Variants in SLC71A2 observed in about 807,000 individuals in gnomAD.
The protein encoded by SLC71A2 is hippocampus abundant transcript-like 1.
At chr9:94,434,845 G>A in the SLC71A2 span, among the ~76,000 whole-genome samples, 1 of 152,140 alleles carries the variant, frequency 6.6e-6, no homozygotes, top group African/African-American at 2.4e-5. Flanking sequence ...TTTGCCCATT[G>A]TTTCACAGCT....
At chr9:94,386,458 A>G in the SLC71A2 span, among the ~76,000 whole-genome samples, 2 of 150,956 alleles carry the variant, frequency 1.3e-5, no homozygotes, top group Non-Finnish European at 3.0e-5. Context: ...GCTCAGAGTG[A>G]CATCTGGCCA....
the SLC71A2 span, among the ~76,000 whole-genome samples, chr9:94,377,532 G>GTT: frequency 2.1e-5 from 1 of 46,794 alleles, no homozygotes; most frequent in African/African-American, 9.0e-5. Context: ...ACCATGCCTG[G>GTT]CTTTTTTTTT....
chr9:94,445,087 T>G, the SLC71A2 span: 4 of 1,614,066 alleles, frequency 2.5e-6, no homozygotes, highest in African/African-American at 2.7e-5. Flanking sequence ...GGACATCTGC[T>G]TCATCTTAGT....
the SLC71A2 span, among the ~76,000 whole-genome samples, chr9:94,454,298 TTGAATG>T: frequency 6.6e-6 from 1 of 152,214 alleles, no homozygotes; most frequent in African/African-American, 2.4e-5. Flanking sequence ...TGTTCCTTAA[TTGAATG>T]TATCTCTCTC....
the SLC71A2 span, among the ~76,000 whole-genome samples, chr9:94,389,998 A>G: frequency 6.6e-6 from 1 of 152,136 alleles, no homozygotes; most frequent in Non-Finnish European, 1.5e-5. Flanking sequence ...GTGGATCACG[A>G]GGTCAAGAGA....
chr9:94,459,472 C>A, the SLC71A2 span: 3 of 1,584,546 alleles, frequency 1.9e-6, no homozygotes, highest in South Asian at 1.1e-5. Context: ...GGGAGCCACA[C>A]CCCTGGTGAC....
At chr9:94,454,259 A>G in the SLC71A2 span, among the ~76,000 whole-genome samples, 77,232 of 152,050 alleles carry the variant, frequency 0.51, 19,817 homozygotes, top group Admixed American at 0.6. Context: ...TATAAAGACT[A>G]CCTTTATGTC....
the SLC71A2 span, among the ~76,000 whole-genome samples, chr9:94,409,454 G>A: frequency 2.0e-5 from 3 of 151,722 alleles, no homozygotes; most frequent in African/African-American, 7.3e-5. Flanking sequence ...GCCTGATTTT[G>A]TCGATTTTTC....
At chr9:94,429,285 C>T in the SLC71A2 span, 60 of 1,553,618 alleles carry the variant, frequency 3.9e-5, no homozygotes, top group South Asian at 6.4e-4. Context: ...TTGTAATGAA[C>T]CAAAGTCAGG....
chr9:94,376,466 G>A, the SLC71A2 span, among the ~76,000 whole-genome samples: 12 of 151,958 alleles, frequency 7.9e-5, no homozygotes, highest in African/African-American at 2.9e-4. Context: ...GTTCTAGCAT[G>A]TAAAGATGAT....
At chr9:94,410,883 A>C in the SLC71A2 span, among the ~76,000 whole-genome samples, 1 of 152,312 alleles carries the variant, frequency 6.6e-6, no homozygotes, top group East Asian at 1.9e-4. Flanking sequence ...CTCCTGCCTC[A>C]GCCTCCTGAG....
chr9:94,445,922 CTAT>C, the SLC71A2 span, among the ~76,000 whole-genome samples: 4 of 152,208 alleles, frequency 2.6e-5, no homozygotes, highest in Admixed American at 2.6e-4. Context: ...CCTGCCTGTT[CTAT>C]TATTGTCACA....
At chr9:94,456,023 TC>T in the SLC71A2 span, among the ~76,000 whole-genome samples, 1 of 152,184 alleles carries the variant, frequency 6.6e-6, no homozygotes, top group Non-Finnish European at 1.5e-5. Context: ...CACAAAGGTT[TC>T]CTGGCCCTTC....
At chr9:94,413,491 C>G in the SLC71A2 span, among the ~76,000 whole-genome samples, 1 of 151,644 alleles carries the variant, frequency 6.6e-6, no homozygotes, top group African/African-American at 2.4e-5. Context: ...TATCAGTATT[C>G]GATTGGTTAA....
At chr9:94,458,002 T>C in the SLC71A2 span, among the ~76,000 whole-genome samples, 1 of 152,224 alleles carries the variant, frequency 6.6e-6, no homozygotes, top group Non-Finnish European at 1.5e-5. Context: ...GGGCAAGTTT[T>C]TGTTGTGAAA....
the SLC71A2 span, among the ~76,000 whole-genome samples, chr9:94,440,709 A>T: frequency 6.6e-6 from 1 of 152,142 alleles, no homozygotes; most frequent in South Asian, 2.1e-4. Context: ...TACCTTTAAA[A>T]ATATAACTTT....
At chr9:94,459,032 A>G in the SLC71A2 span, 1 of 1,035,390 alleles carries the variant, frequency 9.7e-7, no homozygotes, top group Non-Finnish European at 1.4e-6. Context: ...TTGACATTTA[A>G]TGAAACATTT....
chr9:94,378,704 C>G, the SLC71A2 span, among the ~76,000 whole-genome samples: 1 of 152,164 alleles, frequency 6.6e-6, no homozygotes, highest in African/African-American at 2.4e-5. Flanking sequence ...GAGAAGAGAT[C>G]AGCCCCCATG....
At chr9:94,417,227 C>A in the SLC71A2 span, among the ~76,000 whole-genome samples, 2 of 152,214 alleles carry the variant, frequency 1.3e-5, no homozygotes, top group African/African-American at 4.8e-5. Context: ...AACAAACTTA[C>A]CATTTTCACT....
Sources: gnomAD v4.1 joint callset for allele counts (sites outside exome capture counted in the v4.1 genomes callset) on GRCh38, gnomAD v4.1.1 for gene constraint, MANE v1.5 for transcripts, NCBI Gene and HGNC (gene_info 2026-07-23, HGNC 2026-07-21) for gene names.